MACROD2: variants seen among roughly 807,000 people sequenced by gnomAD.
MACROD2 encodes the protein mono-ADP ribosylhydrolase 2.
A neutral mutation model predicts 70.4 loss-of-function variants in MACROD2; 36 were observed. The ratio of observed to expected loss-of-function variants is 0.51; its 90% CI spans 0.39 to 0.68. MACROD2 has a LOEUF of 0.68. MACROD2 is among the 30% of genes least tolerant of loss of function. MACROD2 has a pLI of 0.00. For synonymous variants in MACROD2, 172 were observed against 178.8 expected (o/e 0.96, Z 0.30); for missense variants, 496 against 538.4 (o/e 0.92, Z 0.78).
intron 3 of MACROD2, among the ~76,000 whole-genome samples, chr20:14,300,386 T>C (rs2208456): frequency 0.27 from 41,592 of 152,150 alleles, 5,950 homozygotes; most frequent in African/African-American, 0.34. Context: ...CCAAAGCCCA[T>C]GCTCTTTATT....
intron 5 of MACROD2, among the ~76,000 whole-genome samples, chr20:14,811,988 G>C (rs948759552): frequency 6.6e-6 from 1 of 152,052 alleles, no homozygotes. Context: ...GGGAGTGTAA[G>C]TTACTTCAAC....
At chr20:14,478,305 G>T (rs541703063) in intron 3 of MACROD2, among the ~76,000 whole-genome samples, 1 of 152,088 alleles carries the variant, frequency 6.6e-6, no homozygotes, top group East Asian at 1.9e-4. Context: ...CCAAGATATT[G>T]GATATGAGCC....
At chr20:15,627,745 G>A (rs750057059) in intron 8 of MACROD2, among the ~76,000 whole-genome samples, 8 of 152,204 alleles carry the variant, frequency 5.3e-5, no homozygotes, top group Non-Finnish European at 8.8e-5. Context: ...CAGATCTTGT[G>A]ACCAGTCTAT....
intron 10 of MACROD2, among the ~76,000 whole-genome samples, chr20:15,932,546 T>G (rs893112758): frequency 6.6e-6 from 1 of 152,226 alleles, no homozygotes; most frequent in Non-Finnish European, 1.5e-5. Flanking sequence ...AATTCATCAT[T>G]TTTATTTGCT....
intron 5 of MACROD2, among the ~76,000 whole-genome samples, chr20:14,775,005 A>C (rs959393769): frequency 4.1e-4 from 63 of 152,162 alleles, no homozygotes; most frequent in African/African-American, 1.5e-3. Context: ...AGGCTAAGAA[A>C]TCACAAACAT....
intron 6 of MACROD2, among the ~76,000 whole-genome samples, chr20:15,401,194 C>G (rs1055541128): frequency 1.3e-5 from 2 of 152,172 alleles, no homozygotes; most frequent in African/African-American, 2.4e-5. Context: ...CCCACCACCA[C>G]GCCCGGCTAA....
At chr20:14,969,095 G>A (rs1386123203) in intron 5 of MACROD2, among the ~76,000 whole-genome samples, 1 of 151,740 alleles carries the variant, frequency 6.6e-6, no homozygotes, top group Non-Finnish European at 1.5e-5. Flanking sequence ...AGCAAATAGA[G>A]ATCACCTTAG....
chr20:14,620,127 T>C (rs1267255012), intron 4 of MACROD2, among the ~76,000 whole-genome samples: 1 of 152,162 alleles, frequency 6.6e-6, no homozygotes, highest in African/African-American at 2.4e-5. Context: ...TTCTTCTGCA[T>C]ACATGGTAGG....
chr20:14,223,155 GTT>G (rs1235120390), intron 3 of MACROD2: 1 of 152,212 alleles, frequency 6.6e-6, no homozygotes, highest in African/African-American at 2.4e-5. Flanking sequence ...TGTCCACACT[GTT>G]TGGCATCAAT....
At chr20:16,004,930 A>G (rs1242102598) in intron 15 of MACROD2, among the ~76,000 whole-genome samples, 1 of 152,228 alleles carries the variant, frequency 6.6e-6, no homozygotes, top group Non-Finnish European at 1.5e-5. Context: ...AGTGGAGTAT[A>G]CACCTGCACC....
chr20:14,411,698 A>G (rs1178185983), intron 3 of MACROD2, among the ~76,000 whole-genome samples: 2 of 152,072 alleles, frequency 1.3e-5, no homozygotes, highest in African/African-American at 2.4e-5. Context: ...AAGACCTGTT[A>G]TATTTTCTCA....
chr20:15,649,120 CCCCTCCCTTCCCTTCCCTT>C (rs2049601830), intron 8 of MACROD2, among the ~76,000 whole-genome samples: 1 of 112,974 alleles, frequency 8.9e-6, no homozygotes, highest in African/African-American at 3.3e-5. Flanking sequence ...TCCCTCCCCT[CCCCTCCCTTCCCTTCCCTT>C]CCTCTTTCTT....
chr20:15,044,315 G>C (rs1159392726), intron 5 of MACROD2, among the ~76,000 whole-genome samples: 2 of 152,132 alleles, frequency 1.3e-5, no homozygotes. Context: ...AAGAGTTTTA[G>C]GGAGCTCTGT....
chr20:15,403,661 T>A (rs966498192), intron 6 of MACROD2, among the ~76,000 whole-genome samples: 2 of 151,838 alleles, frequency 1.3e-5, no homozygotes, highest in Non-Finnish European at 2.9e-5. Flanking sequence ...AGTGGAAGTT[T>A]TCTGGAGATT....
At chr20:14,299,432 T>C in intron 3 of MACROD2, among the ~76,000 whole-genome samples, 1 of 152,174 alleles carries the variant, frequency 6.6e-6, no homozygotes. Context: ...TTTATTGGCA[T>C]ATTCTCTTTA....
chr20:15,532,536 A>C lies in MACROD2; in HGVS notation c.645+32689A>C, dbSNP rs6135435. 9.9e-5 allele frequency among the ~76,000 whole-genome samples: 15 copies of C among 152,110 alleles called. No homozygotes were observed. The East Asian group carries it at 2.7e-3, about 27-fold the overall frequency. On this transcript the variant is annotated intron_variant, in intron 8 of 17. Coordinates refer to ENST00000684519, the MANE Select transcript of MACROD2 (RefSeq NM_001351661.2). ...GAAGAGAGAAAAGTGAGGTATATTAAGTTACTCAACCATATTTTTTATTTT... is the reference window on the plus strand; with the variant it reads ...GAAGAGAGAAAAGTGAGGTATATTACGTTACTCAACCATATTTTTTATTTT...
chr20:15,397,278 CTTTTTCT>C (rs1183399081), intron 6 of MACROD2, among the ~76,000 whole-genome samples: 2 of 151,970 alleles, frequency 1.3e-5, no homozygotes, highest in African/African-American at 2.4e-5. Flanking sequence ...CTTGCTTTTT[CTTTTTCT>C]TTTTTCTTTT....
chr20:14,262,956 G>C (rs2082112732), intron 3 of MACROD2, among the ~76,000 whole-genome samples: 1 of 152,176 alleles, frequency 6.6e-6, no homozygotes. Context: ...AGGAAGTTTG[G>C]TTTAGTTTGG....
chr20:14,807,203 G>C (rs558228957), intron 5 of MACROD2, among the ~76,000 whole-genome samples: 2 of 152,072 alleles, frequency 1.3e-5, no homozygotes, highest in African/African-American at 4.8e-5. Flanking sequence ...TCTGGCTGGC[G>C]TCTAGCAGGT....
Sources: gnomAD v4.1 joint callset for allele counts (sites outside exome capture counted in the v4.1 genomes callset) on GRCh38, gnomAD v4.1.1 for gene constraint, MANE v1.5 for transcripts, NCBI Gene and HGNC (gene_info 2026-07-23, HGNC 2026-07-21) for gene names.